Variants in ENAH observed in about 807,000 individuals in gnomAD.
ENAH encodes ENAH actin regulator.
In ENAH, 23 loss-of-function variants were observed where a neutral mutation model predicts 78.7. The ratio of observed to expected loss-of-function variants is 0.29; its 90% confidence interval spans 0.21 to 0.41. ENAH has a LOEUF of 0.41. Ranked by LOEUF, ENAH falls within the 10% of genes least tolerant of loss-of-function variation. The pLI is 1.00. For synonymous variants in ENAH, 226 were observed against 241.0 expected, an observed-to-expected ratio of 0.94 and a Z score of 0.58; for missense variants, 544 against 691.0, an observed-to-expected ratio of 0.79 and a Z score of 2.39.
intron 4 of ENAH, among the ~76,000 whole-genome samples, chr1:225,525,392 T>G (rs2096495866): frequency 6.6e-6 from 1 of 152,184 alleles, no homozygotes; most frequent in Non-Finnish European, 1.5e-5. Flanking sequence ...TTTTAAAAAT[T>G]TGATTCTTTT....
chr1:225,533,608 A>G (rs2096548284), intron 3 of ENAH, among the ~76,000 whole-genome samples: 1 of 152,092 alleles, frequency 6.6e-6, no homozygotes. Context: ...GGCTGATCTT[A>G]ATTTGTCCTG....
rs1558719435 is a variant in ENAH, at chr1:225,507,959, A to T, written c.1530T>A (p.Val510=). Residue 510 remains valine (V), a synonymous_variant, in exon 11 of 14, where the codon GTT becomes GTA. Transcript: ENST00000366843. ...GAGAAAAAAATTGATACCTGGAGATAACAGGTGACTTGCTGCCATTCATTG... is the reference window on the plus strand; with the variant it reads ...GAGAAAAAAATTGATACCTGGAGATTACAGGTGACTTGCTGCCATTCATTG... ...TNTMNGSKSP[V]ISRPKSTPLS... is the part of the protein sequence containing the mutation. 2.6e-6 allele frequency: 4 copies of T among 1,553,668 alleles called. No homozygotes were observed. The highest frequency in any genetic ancestry group is 3.4e-6 in the Non-Finnish European group (4 of 1,159,448).
At chr1:225,555,174 G>A in intron 2 of ENAH, 91 bp from the exon 3 acceptor site, 1 of 1,179,310 alleles carries the variant, frequency 8.5e-7, no homozygotes, top group Non-Finnish European at 1.1e-6. Flanking sequence ...TCATTCAAAT[G>A]TGTTCCTAAC....
chr1:225,593,833 A>G (rs1303250897), intron 1 of ENAH, among the ~76,000 whole-genome samples: 1 of 152,230 alleles, frequency 6.6e-6, no homozygotes, highest in Non-Finnish European at 1.5e-5. Flanking sequence ...AGTAATTATT[A>G]CAATTTTTTA....
intron 1 of ENAH, among the ~76,000 whole-genome samples, chr1:225,579,392 C>G (rs920907585): frequency 1.3e-5 from 2 of 152,100 alleles, no homozygotes; most frequent in African/African-American, 2.4e-5. Flanking sequence ...GGTTTCATTA[C>G]TGAAGATACA....
At chr1:225,626,817 G>A (rs919207028) in intron 1 of ENAH, among the ~76,000 whole-genome samples, 10 of 152,048 alleles carry the variant, frequency 6.6e-5, no homozygotes, top group African/African-American at 1.7e-4. Flanking sequence ...CCACAATAGC[G>A]TTCAAATAAA....
chr1:225,620,724 G>C (rs1018158925), intron 1 of ENAH, among the ~76,000 whole-genome samples: 3 of 152,060 alleles, frequency 2.0e-5, no homozygotes, highest in Non-Finnish European at 4.4e-5. Context: ...TGGAGATAGG[G>C]CCGGGTGCAG....
chr1:225,526,733 C>T (rs1466932694), intron 4 of ENAH, among the ~76,000 whole-genome samples: 1 of 152,102 alleles, frequency 6.6e-6, no homozygotes, highest in African/African-American at 2.4e-5. Context: ...AATAACTACC[C>T]ATTTTTATTT....
chr1:225,506,426 G>C (rs2096330235), intron 11 of ENAH, among the ~76,000 whole-genome samples: 1 of 152,228 alleles, frequency 6.6e-6, no homozygotes, highest in South Asian at 2.1e-4. Flanking sequence ...GACCTCAAGT[G>C]ATCTACCCAC....
chr1:225,583,823 A>T (rs2096831864), intron 1 of ENAH, among the ~76,000 whole-genome samples: 2 of 150,774 alleles, frequency 1.3e-5, no homozygotes, highest in South Asian at 4.2e-4. Context: ...AAAAAAAAAG[A>T]AAAGAAAGAA....
intron 1 of ENAH, among the ~76,000 whole-genome samples, chr1:225,618,854 A>C (rs2148226057): frequency 6.6e-6 from 1 of 152,320 alleles, no homozygotes; most frequent in Non-Finnish European, 1.5e-5. Context: ...CGTTACATGC[A>C]GGTAAAGGAA....
rs1226024989 is a variant in ENAH, at chr1:225,530,719, T to C, written c.350-81A>G. ...AGGAGATAAAATCATGAGAATAACA[T>C]AAAACCATCACATATTTACAAACGT... On this transcript the variant is annotated intron_variant, in intron 3 of 13. Transcript: ENST00000366843. 2.8e-6 allele frequency: 3 copies of C among 1,083,866 alleles called. No individual in the cohort carries two copies. The African/African-American group carries it at 4.7e-5, about 17-fold the overall frequency. 67.1% of individuals were successfully genotyped at this position (1,083,866 alleles called of 1,614,324 possible). A position where few individuals can be genotyped will look rare whatever the true frequency, so the allele number is the denominator to read the frequency against.
intron 1 of ENAH, among the ~76,000 whole-genome samples, chr1:225,587,862 T>A (rs886318023): frequency 6.6e-6 from 1 of 152,136 alleles, no homozygotes; most frequent in Non-Finnish European, 1.5e-5. Flanking sequence ...CAACTAATTT[T>A]TTAAAAAGAC....
chr1:225,583,551 C>CT (rs1456356920), intron 1 of ENAH, among the ~76,000 whole-genome samples: 1 of 151,946 alleles, frequency 6.6e-6, no homozygotes, highest in Non-Finnish European at 1.5e-5. Context: ...TGGCACATGC[C>CT]TGTAATCCCA....
chr1:225,622,970 A>G (rs1657272953), intron 1 of ENAH, among the ~76,000 whole-genome samples: 1 of 152,216 alleles, frequency 6.6e-6, no homozygotes, highest in Non-Finnish European at 1.5e-5. Context: ...CCTCCACTCC[A>G]GCACCCCCAC....
Position 225,496,031 on chromosome 1 carries a change from A to T in ENAH, c.*1744T>A, listed in dbSNP as rs1348886032. On this transcript the variant is annotated 3_prime_UTR_variant, in exon 14 of 14. Transcript: ENST00000366843. ...AACAAGCTTTGCTTTATGGACTGAG[A>T]TGTACAAAATCTAGAAAGCAGATGA... The T allele has an allele frequency of 1.3e-5, 2 of 152,618 alleles. No homozygotes were observed. The highest frequency in any genetic ancestry group is 4.8e-5 in the African/African-American group (2 of 41,452). The allele number at this position is 152,618 out of a possible 1,614,324, so 9.5% of individuals were successfully genotyped here.
rs923645748 is a variant in ENAH at position 225,517,218 on chromosome 1, C to T, written c.891G>A (p.Pro297=). The T allele has an allele frequency of 3.2e-5, 49 of 1,543,640 alleles. No homozygotes were observed. Among genetic ancestry groups the T allele is most frequent in the South Asian group, 8.4e-5 (7 of 82,906 alleles). ...SEPGLQAASQ[P]AETPSQQGIV... Reference sequence around the variant, plus strand: ...TACCCTGTTGGGATGGAGTCTCGGCCGGCTGAGAGGCTGCCTGCAAGCCTG... The same window carrying T: ...TACCCTGTTGGGATGGAGTCTCGGCTGGCTGAGAGGCTGCCTGCAAGCCTG... Residue 297 remains proline, a synonymous_variant, in exon 6 of 14, where the codon CCG becomes CCA. Transcript: ENST00000366843.
chr1:225,511,700 T>A (rs1264908581), intron 10 of ENAH, 111 bp downstream of exon 10: 1 of 649,912 alleles, frequency 1.5e-6, no homozygotes, highest in African/African-American at 1.9e-5. Context: ...ACTCTGGCAT[T>A]TTAGTGTCCA....
rs1010842578 is a variant in ENAH at position 225,494,478 on chromosome 1, A to G, written c.*3297T>C. On this transcript the variant is annotated 3_prime_UTR_variant, in exon 14 of 14. Coordinates refer to ENST00000366843, the MANE Select transcript of ENAH (RefSeq NM_018212.6). ...GCATGAATGAGTTTTAAGTACCTGAACGTGTTGCAGAACAAAATGGAATAA... is the reference window on the plus strand; with the variant it reads ...GCATGAATGAGTTTTAAGTACCTGAGCGTGTTGCAGAACAAAATGGAATAA... 2.0e-5 allele frequency: 3 copies of G among 152,212 alleles called. No individual in the cohort carries two copies. The highest frequency in any genetic ancestry group is 7.2e-5 in the African/African-American group (3 of 41,470). 9.4% of individuals were successfully genotyped at this position (152,212 alleles called of 1,614,324 possible). A position where few individuals can be genotyped will look rare whatever the true frequency, so the allele number is the denominator to read the frequency against.
Sources: allele counts gnomAD v4.1 joint callset (sites outside exome capture counted in the v4.1 genomes callset), GRCh38; gene constraint gnomAD v4.1.1; transcripts MANE v1.5; gene names NCBI Gene and HGNC (gene_info 2026-07-23, HGNC 2026-07-21).